The following AGMO variants were observed in gnomAD, a reference collection of about 807,000 sequenced individuals.
AGMO encodes the protein alkylglycerol monooxygenase.
A neutral mutation model predicts 60.2 loss-of-function variants in AGMO; 75 were observed. That is an observed-to-expected ratio of 1.25 (90% confidence interval 1.03 to 1.51). AGMO has a LOEUF of 1.51. Ranked by LOEUF, AGMO falls within the 40% of genes most tolerant of loss-of-function variation. The pLI is 0.00. For missense variants in AGMO, 763 were observed against 525.5 expected (o/e 1.45, Z -4.42); for synonymous variants, 261 against 177.1 (o/e 1.47, Z -3.76).
intron 12 of AGMO, among the ~76,000 whole-genome samples, chr7:15,328,096 C>A (rs1781400190): frequency 6.6e-6 from 1 of 151,310 alleles, no homozygotes; most frequent in Admixed American, 6.6e-5. Context: ...GTCCTTCCTT[C>A]CTTCTTTTCT....
At chr7:15,465,274 C>T (rs1046763169) in intron 3 of AGMO, among the ~76,000 whole-genome samples, 2 of 151,848 alleles carry the variant, frequency 1.3e-5, no homozygotes, top group African/African-American at 4.8e-5. Context: ...CCCAGAAACA[C>T]ACTTTCCTTG....
In AGMO at chr7:15,561,871, G is replaced by A. The variant is rs1382933225; in HGVS notation, c.-26C>T. On this transcript the variant is annotated 5_prime_UTR_variant, in exon 1 of 13. Transcript: ENST00000342526. ...TTCTGCCCTTGTCTGATTCCCAGCTGGAGAATATTTAGGATTCAATGCTTG... is the reference window on the plus strand; with the variant it reads ...TTCTGCCCTTGTCTGATTCCCAGCTAGAGAATATTTAGGATTCAATGCTTG... 1 of 1,582,304 alleles carries A rather than the reference G, an allele frequency of 6.3e-7. No homozygotes were observed.
chr7:15,236,361 C>CT (rs1053922317), intron 12 of AGMO, among the ~76,000 whole-genome samples: 2 of 151,842 alleles, frequency 1.3e-5, no homozygotes, highest in Non-Finnish European at 2.9e-5. Flanking sequence ...AGCATGACTC[C>CT]TTTTTTAATG....
At chr7:15,264,260 C>A in intron 12 of AGMO, among the ~76,000 whole-genome samples, 1 of 151,730 alleles carries the variant, frequency 6.6e-6, no homozygotes, top group Non-Finnish European at 1.5e-5. Flanking sequence ...ATATTTTACC[C>A]CTTCAATCAT....
intron 12 of AGMO, among the ~76,000 whole-genome samples, chr7:15,359,157 C>T (rs1268499017): frequency 2.6e-5 from 4 of 151,950 alleles, no homozygotes; most frequent in Admixed American, 1.3e-4. Flanking sequence ...GGCATGGTGG[C>T]AGGAACCTGT....
At chr7:15,325,327 T>C (rs1164671290) in intron 12 of AGMO, among the ~76,000 whole-genome samples, 2 of 152,150 alleles carry the variant, frequency 1.3e-5, no homozygotes, top group Non-Finnish European at 2.9e-5. Context: ...TAAATAATTA[T>C]ATATTAGCAT....
At chr7:15,391,138 C>T (rs914096242) in intron 6 of AGMO, among the ~76,000 whole-genome samples, 19 of 151,916 alleles carry the variant, frequency 1.3e-4, no homozygotes, top group Non-Finnish European at 2.5e-4. Context: ...TAGATGCATG[C>T]TTTCTTGTCA....
chr7:15,499,201 G>A lies in AGMO; in HGVS notation c.409+45571C>T, dbSNP rs886877052. Among the ~76,000 whole-genome samples, 13 of 151,810 alleles carry A rather than the reference G, an allele frequency of 8.6e-5. 1 individual carries two copies. The highest frequency in any genetic ancestry group is 7.2e-4 in the Admixed American group (11 of 15,226). The stretch of plus-strand genomic sequence containing the variant: ...GTCTAGAAGTAAGCTTAAGAGCAAT[G>A]TGCAGGAGGCTTTCATCCCACAACA... On this transcript the variant is annotated intron_variant, in intron 3 of 12. Transcript: ENST00000342526.
At chr7:15,365,345 T>C (rs1456419658) in intron 12 of AGMO, among the ~76,000 whole-genome samples, 169 bp downstream of exon 12, 1 of 89,824 alleles carries the variant, frequency 1.1e-5, no homozygotes, top group African/African-American at 5.5e-5. Context: ...CAATATTAAC[T>C]AGCTCAGATG....
chr7:15,429,647 G>T (rs1230508879), intron 4 of AGMO, among the ~76,000 whole-genome samples: 1 of 152,010 alleles, frequency 6.6e-6, no homozygotes, highest in East Asian at 1.9e-4. Context: ...GGTGTATGGT[G>T]TGGGAGTTTG....
chr7:15,397,182 G>C lies in AGMO; in HGVS notation c.610-3003C>G, dbSNP rs529305346. The stretch of plus-strand genomic sequence containing the variant: ...CAACCAAGAGGAAAAGTGGGGAAGC[G>C]AGAAAGAGACGGAGACCCGCCGTCC... On this transcript the variant is annotated intron_variant, in intron 5 of 12. Coordinates refer to ENST00000342526, the MANE Select transcript of AGMO (RefSeq NM_001004320.2). Among the ~76,000 whole-genome samples the C allele has an allele frequency of 2.0e-5, 3 of 152,248 alleles. No homozygotes were observed. In the South Asian group the frequency reaches 6.2e-4, roughly 32 times the overall value.
chr7:15,305,418 T>G (rs1242385097), intron 12 of AGMO, among the ~76,000 whole-genome samples: 1 of 152,020 alleles, frequency 6.6e-6, no homozygotes, highest in Non-Finnish European at 1.5e-5. Flanking sequence ...TCCGTGCATC[T>G]GGGTTCACTG....
intron 10 of AGMO, among the ~76,000 whole-genome samples, chr7:15,380,513 G>T (rs1039227287): frequency 1.3e-5 from 2 of 152,048 alleles, no homozygotes; most frequent in Non-Finnish European, 2.9e-5. Context: ...ATCGGATATT[G>T]ACACAAACAA....
rs773705204 is a variant in AGMO at position 15,361,546 on chromosome 7, A to AAAAAAAAG, written c.1263+3967_1263+3968insCTTTTTTT. Among the ~76,000 whole-genome samples the AAAAAAAAG allele has an allele frequency of 8.8e-5, 8 of 91,408 alleles. 1 individual carries two copies. Among genetic ancestry groups the AAAAAAAAG allele is most frequent in the African/African-American group, 2.1e-4 (5 of 23,258 alleles). The allele number at this position is 91,408 out of a possible 152,430, so 60.0% of individuals were successfully genotyped here. On this transcript the variant is annotated intron_variant, in intron 12 of 12. Coordinates refer to ENST00000342526, the MANE Select transcript of AGMO (RefSeq NM_001004320.2). ...CAGAGCGAGACTGTGTCTCAAAAAAAAAAAAAAAGGTTTTGAGATTTAGAT... is the reference window on the plus strand; with the variant it reads ...CAGAGCGAGACTGTGTCTCAAAAAAAAAAAAAAGAAAAAAAAGGTTTTGAGATTTAGAT...
chr7:15,282,995 T>C (rs1176270831), intron 12 of AGMO, among the ~76,000 whole-genome samples: 1 of 152,026 alleles, frequency 6.6e-6, no homozygotes, highest in African/African-American at 2.4e-5. Flanking sequence ...AAACTAAATT[T>C]CAAAAATGAA....
At position 15,330,607 on chromosome 7, in the gene AGMO, G is replaced by T. The variant is rs145485480; in HGVS notation, c.1263+34907C>A. 9.0e-4 allele frequency among the ~76,000 whole-genome samples: 137 copies of T among 152,182 alleles called. 3 individuals are homozygous for T. The East Asian group carries it at 0.024, about 26-fold the overall frequency. On this transcript the variant is annotated intron_variant, in intron 12 of 12. Coordinates refer to ENST00000342526, the MANE Select transcript of AGMO (RefSeq NM_001004320.2). ...TTGAGCGATTTGAGTATCTACAGAAGCCTTCCCTTCTGTTTGCGCTCACCA... is the reference window on the plus strand; with the variant it reads ...TTGAGCGATTTGAGTATCTACAGAATCCTTCCCTTCTGTTTGCGCTCACCA...
chr7:15,478,136 A>C (rs1282406815), intron 3 of AGMO, among the ~76,000 whole-genome samples: 1 of 152,156 alleles, frequency 6.6e-6, no homozygotes, highest in African/African-American at 2.4e-5. Flanking sequence ...CTCATGGATG[A>C]CTTTAATACT....
At chr7:15,483,239 T>C (rs184920113) in intron 3 of AGMO, among the ~76,000 whole-genome samples, 4 of 152,246 alleles carry the variant, frequency 2.6e-5, no homozygotes, top group Admixed American at 2.6e-4. Flanking sequence ...TACAAACTAG[T>C]ATGAAGCTAT....
chr7:15,280,303 G>A (rs1783925376), intron 12 of AGMO, among the ~76,000 whole-genome samples: 1 of 152,078 alleles, frequency 6.6e-6, no homozygotes, highest in African/African-American at 2.4e-5. Flanking sequence ...ATGGAAGCTG[G>A]GTGGGGCTTA....
Sources: allele counts gnomAD v4.1 joint callset (sites outside exome capture counted in the v4.1 genomes callset), GRCh38; gene constraint gnomAD v4.1.1; transcripts MANE v1.5; gene names NCBI Gene and HGNC (gene_info 2026-07-23, HGNC 2026-07-21).